The following SNX29 variants were observed in gnomAD, a reference collection of about 807,000 sequenced individuals.
SNX29 encodes sorting nexin-29.
Under a neutral mutation model 102.1 loss-of-function variants are expected in SNX29, and 78 were observed. The observed-to-expected ratio is 0.76, with a 90% CI of 0.64 to 0.92. The LOEUF is 0.92. Among genes scored for constraint, SNX29 ranks in the 40% least tolerant of loss-of-function variants. The pLI is 0.00. For missense variants in SNX29, 1,280 were observed against 1,061.7 expected (o/e 1.21, Z -2.86); for synonymous variants, 580 against 414.5 (o/e 1.40, Z -4.85).
chr16:12,173,025 G>T (rs2076182929), intron 13 of SNX29, among the ~76,000 whole-genome samples: 1 of 152,338 alleles, frequency 6.6e-6, no homozygotes, highest in Middle Eastern at 3.4e-3. Context: ...CACAGACCAG[G>T]TGGTCTCTGG....
At chr16:12,068,918 C>T in intron 9 of SNX29, 139 bp from the exon 10 acceptor site, 2 of 694,338 alleles carry the variant, frequency 2.9e-6, no homozygotes, top group Non-Finnish European at 4.9e-6. Context: ...GATTAAAATC[C>T]AGCTTGCAGG....
chr16:12,570,110 A>AAG lies in SNX29; in HGVS notation c.*1483_*1484dup. On this transcript the variant is annotated 3_prime_UTR_variant, in exon 21 of 21. Transcript: ENST00000566228. ...GTGCCTTCCCCTCGTAGCAAAAAGG[A>AAG]AGATTGTTCATGGCCTTTAAGGAAG... 1 of 1,001,882 alleles carries AAG rather than the reference A, an allele frequency of 1.0e-6. No homozygotes were observed. The highest frequency in any genetic ancestry group is 5.2e-5 in the East Asian group (1 of 19,314). 62.1% of individuals were successfully genotyped at this position (1,001,882 alleles called of 1,614,324 possible).
At chr16:12,110,865 C>T (rs7201710) in intron 11 of SNX29, among the ~76,000 whole-genome samples, 5,129 of 151,706 alleles carry the variant, frequency 0.034, 288 homozygotes, top group African/African-American at 0.12. Context: ...GCTCTGTTGC[C>T]CAGGCTGGAG....
At chr16:12,299,158 G>T (rs975906177) in intron 15 of SNX29, among the ~76,000 whole-genome samples, 1 of 152,108 alleles carries the variant, frequency 6.6e-6, no homozygotes, top group African/African-American at 2.4e-5. Flanking sequence ...AAATTAGTTG[G>T]GTATGGTGGC....
intron 19 of SNX29, among the ~76,000 whole-genome samples, chr16:12,521,698 T>C (rs550815336): frequency 6.6e-6 from 1 of 152,306 alleles, no homozygotes; most frequent in South Asian, 2.1e-4. Flanking sequence ...ATGAGCTCCG[T>C]TGGGCACTAG....
rs116547408 is a variant in SNX29 at position 12,445,962 on chromosome 16, T to C, written c.2038-31757T>C. 2.8e-3 allele frequency among the ~76,000 whole-genome samples: 424 copies of C among 151,478 alleles called. 3 individuals are homozygous for C. Among genetic ancestry groups the C allele is most frequent in the African/African-American group, 9.2e-3 (378 of 41,266 alleles). Reference sequence around the variant, plus strand: ...AGGGAGTGCATTCAAACCCAAGAGGTGGAGCTCCCGAGTCCACGCTTTCGC... The same window carrying C: ...AGGGAGTGCATTCAAACCCAAGAGGCGGAGCTCCCGAGTCCACGCTTTCGC... On this transcript the variant is annotated intron_variant, in intron 18 of 20. Transcript: ENST00000566228.
At chr16:12,554,976 A>G (rs1245645384) in intron 20 of SNX29, among the ~76,000 whole-genome samples, 3 of 150,756 alleles carry the variant, frequency 2.0e-5, no homozygotes, top group Non-Finnish European at 2.9e-5. Flanking sequence ...GAGGGGGGTC[A>G]GTCAGCCGGA....
At chr16:12,537,366 T>C (rs1193737315) in intron 20 of SNX29, among the ~76,000 whole-genome samples, 1 of 152,254 alleles carries the variant, frequency 6.6e-6, no homozygotes, top group Non-Finnish European at 1.5e-5. Context: ...GGCAACTTGG[T>C]GCATGACAGA....
intron 18 of SNX29, among the ~76,000 whole-genome samples, chr16:12,457,752 A>G (rs2086602039): frequency 6.6e-6 from 1 of 152,190 alleles, no homozygotes; most frequent in East Asian, 1.9e-4. Flanking sequence ...CCCATCTTGT[A>G]TGTGAGGAAA....
chr16:12,210,835 A>T (rs1326542770), intron 14 of SNX29, among the ~76,000 whole-genome samples: 3 of 149,998 alleles, frequency 2.0e-5, no homozygotes, highest in African/African-American at 7.4e-5. Context: ...TATTTGTTTG[A>T]TGGGCTGAAT....
At chr16:12,259,655 C>G (rs2078675805) in intron 14 of SNX29, among the ~76,000 whole-genome samples, 1 of 152,186 alleles carries the variant, frequency 6.6e-6, no homozygotes. Context: ...TTCTCATCAC[C>G]TAATGCTAGT....
At chr16:12,496,940 G>A (rs1289338285) in intron 19 of SNX29, among the ~76,000 whole-genome samples, 2 of 152,212 alleles carry the variant, frequency 1.3e-5, no homozygotes, top group African/African-American at 2.4e-5. Flanking sequence ...GTTCAGGCAT[G>A]CACTCGATTC....
At chr16:12,128,532 A>C (rs1331705100) in intron 12 of SNX29, among the ~76,000 whole-genome samples, 1 of 141,326 alleles carries the variant, frequency 7.1e-6, no homozygotes, top group African/African-American at 2.7e-5. Context: ...GGCTCACTGC[A>C]ACCTCTGCCT....
chr16:12,270,425 G>A (rs1259514222), intron 14 of SNX29, among the ~76,000 whole-genome samples: 1 of 152,126 alleles, frequency 6.6e-6, no homozygotes, highest in Non-Finnish European at 1.5e-5. Context: ...TTAATACCCA[G>A]ATGTTCTTTT....
intron 16 of SNX29, chr16:12,367,248 A>G (rs2082518695): frequency 6.6e-6 from 1 of 152,104 alleles, no homozygotes; most frequent in Non-Finnish European, 1.5e-5. Flanking sequence ...TGTTGTCTTC[A>G]TTTTCCTACC....
intron 16 of SNX29, among the ~76,000 whole-genome samples, chr16:12,356,818 G>A (rs1406337843): frequency 4.6e-5 from 7 of 152,214 alleles, no homozygotes; most frequent in Non-Finnish European, 7.3e-5. Flanking sequence ...GTCTAGCAGC[G>A]TCCCTGGGTT....
In SNX29 at chr16:12,159,303, C is replaced by G. The variant is rs78386320; in HGVS notation, c.1595+29545C>G. Among the ~76,000 whole-genome samples, 366 of 152,334 alleles carry G rather than the reference C, an allele frequency of 2.4e-3. 1 individual carries two copies. Among genetic ancestry groups the G allele is most frequent in the African/African-American group, 8.4e-3 (349 of 41,570 alleles). On this transcript the variant is annotated intron_variant, in intron 13 of 20. Transcript: ENST00000566228. ...CCTCACCCTTCCATTCTTTCAGAGA[C>G]GATGGCTCAGCACACTGTATGTTGG...
At chr16:12,386,446 C>T (rs943014831) in intron 16 of SNX29, among the ~76,000 whole-genome samples, 3 of 152,154 alleles carry the variant, frequency 2.0e-5, no homozygotes, top group African/African-American at 7.2e-5. Context: ...GCTCACAGAG[C>T]TAGGAGGAGG....
intron 14 of SNX29, among the ~76,000 whole-genome samples, chr16:12,272,951 TC>T (rs1335278435): frequency 2.0e-5 from 3 of 152,200 alleles, no homozygotes; most frequent in Non-Finnish European, 2.9e-5. Flanking sequence ...CTCCCCATCC[TC>T]TGGCACAGTC....
Sources: gnomAD v4.1 joint callset for allele counts (sites outside exome capture counted in the v4.1 genomes callset) on GRCh38, gnomAD v4.1.1 for gene constraint, MANE v1.5 for transcripts, NCBI Gene and HGNC (gene_info 2026-07-23, HGNC 2026-07-21) for gene names.